IFT52: variants seen among roughly 807,000 people sequenced by gnomAD.
IFT52 encodes intraflagellar transport protein 52 homolog.
IFT52 carries 44 observed loss-of-function variants against 54.4 expected under a neutral mutation model. The observed-to-expected ratio is 0.81, with a 90% CI of 0.63 to 1.04. The LOEUF is 1.04. Among genes scored for constraint, IFT52 ranks in the 50% least tolerant of loss-of-function variants. The pLI is 0.00. For synonymous variants in IFT52, 181 were observed against 185.3 expected (o/e 0.98, Z 0.19); for missense variants, 452 against 523.6 (o/e 0.86, Z 1.33).
At chr20:43,608,077 A>G (rs1344609567) in intron 6 of IFT52, among the ~76,000 whole-genome samples, 1 of 152,130 alleles carries the variant, frequency 6.6e-6, no homozygotes, top group Non-Finnish European at 1.5e-5. Flanking sequence ...GGGAGGTTGC[A>G]GTGAGCCGAG....
At chr20:43,636,087 G>C in intron 11 of IFT52, 74 bp downstream of exon 11, 1 of 1,374,234 alleles carries the variant, frequency 7.3e-7, no homozygotes, top group Non-Finnish European at 1.0e-6. Flanking sequence ...GGCATTCGCT[G>C]TGGTCCCTTC....
intron 10 of IFT52, among the ~76,000 whole-genome samples, chr20:43,630,219 C>T (rs1985062434): frequency 6.6e-6 from 1 of 152,212 alleles, no homozygotes; most frequent in African/African-American, 2.4e-5. Context: ...AAAAAAGATA[C>T]ATCTGACCAC....
At chr20:43,634,555 G>T (rs1402038976) in intron 10 of IFT52, among the ~76,000 whole-genome samples, 1 of 151,624 alleles carries the variant, frequency 6.6e-6, no homozygotes, top group Non-Finnish European at 1.5e-5. Context: ...AATGAAAAAA[G>T]ATTTAACTAT....
rs1214874658 is a variant in IFT52, at chr20:43,613,883, A to G, written c.519A>G (p.Thr173=). Residue 173 remains threonine (T), a synonymous_variant, in exon 7 of 14, where the codon ACA becomes ACG. Coordinates refer to ENST00000373030, the MANE Select transcript of IFT52 (RefSeq NM_016004.5). ...CCTTTGTGTATCCTTTTGGTGCCAC[A>G]TTGAGTGTCATGAAACCAGCAGTGG... ...ALTFVYPFGA[T]LSVMKPAVAV... is the part of the protein sequence containing the mutation. 2 of 1,614,098 alleles carry G rather than the reference A, an allele frequency of 1.2e-6. No individual in the cohort carries two copies. Among genetic ancestry groups the G allele is most frequent in the South Asian group, 1.1e-5 (1 of 91,086 alleles).
intron 8 of IFT52, among the ~76,000 whole-genome samples, chr20:43,619,473 T>G (rs1180190934): frequency 6.6e-6 from 1 of 152,118 alleles, no homozygotes; most frequent in African/African-American, 2.4e-5. Flanking sequence ...TTTGGAAAGA[T>G]TCTTCTGTCA....
chr20:43,639,904 G>A (rs780801195), intron 12 of IFT52, among the ~76,000 whole-genome samples: 47 of 152,096 alleles, frequency 3.1e-4, no homozygotes, highest in South Asian at 6.2e-4. Flanking sequence ...GCCTGGGTGC[G>A]ATGGCTCACA....
At chr20:43,607,994 G>A (rs1421973722) in intron 6 of IFT52, among the ~76,000 whole-genome samples, 2 of 152,188 alleles carry the variant, frequency 1.3e-5, no homozygotes, top group Non-Finnish European at 2.9e-5. Flanking sequence ...AAAAAAATAC[G>A]AAAACCAGAC....
In IFT52 at chr20:43,634,811, A is replaced by G. The variant is rs138304943; in HGVS notation, c.924-1115A>G. ...CCCTCCTCCCAACCTCCAACCTTCTATAGGCCCCAGTGTGTATTCTCCCCT... is the reference window on the plus strand; with the variant it reads ...CCCTCCTCCCAACCTCCAACCTTCTGTAGGCCCCAGTGTGTATTCTCCCCT... On this transcript the variant is annotated intron_variant, in intron 10 of 13. Coordinates refer to ENST00000373030, the MANE Select transcript of IFT52 (RefSeq NM_016004.5). Among the ~76,000 whole-genome samples, 569 of 152,130 alleles carry G rather than the reference A, an allele frequency of 3.7e-3. 4 individuals carry two copies. Among genetic ancestry groups the G allele is most frequent in the South Asian group, 0.016 (77 of 4,822 alleles).
Position 43,596,296 on chromosome 20 carries a change from A to C in IFT52, c.120-139A>C. 8.7e-6 allele frequency: 5 copies of C among 575,464 alleles called. No homozygotes were observed. The South Asian group carries it at 1.2e-4, about 13-fold the overall frequency. The allele number at this position is 575,464 out of a possible 1,614,324, so 35.6% of individuals were successfully genotyped here. On this transcript the variant is annotated intron_variant, in intron 2 of 13. Coordinates refer to ENST00000373030, the MANE Select transcript of IFT52 (RefSeq NM_016004.5). Reference sequence around the variant, plus strand: ...AGAGGGAATTCTCACTTTGGGAGAGAGACTGGACCAGTTACCTCTAAATCC... The same window carrying C: ...AGAGGGAATTCTCACTTTGGGAGAGCGACTGGACCAGTTACCTCTAAATCC...
chr20:43,599,768 C>G (rs1020977460), intron 3 of IFT52, among the ~76,000 whole-genome samples: 1 of 152,160 alleles, frequency 6.6e-6, no homozygotes, highest in African/African-American at 2.4e-5. Flanking sequence ...CTAGGCTGAA[C>G]AGTCTTTCCT....
chr20:43,638,708 G>A (rs947107383), intron 12 of IFT52, among the ~76,000 whole-genome samples: 8 of 152,132 alleles, frequency 5.3e-5, no homozygotes, highest in African/African-American at 9.7e-5. Flanking sequence ...CTTAAAATGC[G>A]TCACATTCAT....
At chr20:43,606,246 T>C (rs1251158165) in intron 6 of IFT52, among the ~76,000 whole-genome samples, 1 of 151,436 alleles carries the variant, frequency 6.6e-6, no homozygotes, top group Non-Finnish European at 1.5e-5. Flanking sequence ...TATTTGTCAT[T>C]ATAGATAATA....
intron 6 of IFT52, among the ~76,000 whole-genome samples, chr20:43,612,146 G>A (rs972777816): frequency 8.5e-5 from 13 of 152,086 alleles, no homozygotes; most frequent in African/African-American, 3.1e-4. Flanking sequence ...GGAAAATGTG[G>A]GGGATAGATG....
intron 10 of IFT52, among the ~76,000 whole-genome samples, chr20:43,624,607 C>A (rs1984587012): frequency 6.6e-6 from 1 of 152,046 alleles, no homozygotes; most frequent in Non-Finnish European, 1.5e-5. Context: ...TGGGAATTGG[C>A]CTTGAGACAG....
intron 13 of IFT52, 129 bp downstream of exon 13, chr20:43,642,753 CA>C: frequency 1.2e-6 from 1 of 831,540 alleles, no homozygotes; most frequent in Non-Finnish European, 1.9e-6. Flanking sequence ...ACTAGGTGAA[CA>C]AAACAGACAA....
In IFT52 at chr20:43,629,547, C is replaced by G. The variant is rs189797060; in HGVS notation, c.923+5502C>G. Among the ~76,000 whole-genome samples, 317 of 152,320 alleles carry G rather than the reference C, an allele frequency of 2.1e-3. 2 individuals are homozygous for G. The highest frequency in any genetic ancestry group is 2.8e-3 in the Non-Finnish European group (189 of 68,038). ...TCGGCCTCCCAAAGTGCTGGGATTA[C>G]AGGCGTCAGCCACCGAGCCCGGCCC... On this transcript the variant is annotated intron_variant, in intron 10 of 13. Coordinates refer to ENST00000373030, the MANE Select transcript of IFT52 (RefSeq NM_016004.5).
chr20:43,624,755 G>A (rs1011334761), intron 10 of IFT52, among the ~76,000 whole-genome samples: 3 of 152,088 alleles, frequency 2.0e-5, no homozygotes, highest in African/African-American at 7.2e-5. Context: ...AGAAGCAGAG[G>A]GGTTCAGAAA....
intron 2 of IFT52, 100 bp from the exon 3 acceptor site, chr20:43,596,335 C>T (rs1452735710): frequency 1.3e-5 from 9 of 689,966 alleles, no homozygotes; most frequent in Admixed American, 2.9e-5. Flanking sequence ...CATCTCTGAG[C>T]CTCTGTGGCC....
At position 43,604,426 on chromosome 20, in the gene IFT52, A is replaced by T. The variant is rs533093995; in HGVS notation, c.413+168A>T. Among the ~76,000 whole-genome samples the T allele has an allele frequency of 9.5e-4, 144 of 152,238 alleles. 2 individuals are homozygous for T. Among genetic ancestry groups the T allele is most frequent in the Non-Finnish European group, 4.3e-4 (29 of 68,012 alleles). Reference sequence around the variant, plus strand: ...CTCCCTGTCTAAAAATACAAAAAAAATTAGCCAGGCATTGTAGCAGGCGCC... The same window carrying T: ...CTCCCTGTCTAAAAATACAAAAAAATTTAGCCAGGCATTGTAGCAGGCGCC... On this transcript the variant is annotated intron_variant, in intron 5 of 13. Transcript: ENST00000373030.
Sources: gnomAD v4.1 joint callset for allele counts (sites outside exome capture counted in the v4.1 genomes callset) on GRCh38, gnomAD v4.1.1 for gene constraint, MANE v1.5 for transcripts, NCBI Gene and HGNC (gene_info 2026-07-23, HGNC 2026-07-21) for gene names.